Variants in CHRM3 observed in about 807,000 individuals in gnomAD.
The protein encoded by CHRM3 is muscarinic acetylcholine receptor M3.
In CHRM3, 11 loss-of-function variants were observed where a neutral mutation model predicts 41.8. That is an observed-to-expected ratio of 0.26 (90% CI 0.17 to 0.44). The LOEUF is 0.44. Ranked by LOEUF, CHRM3 falls within the 20% of genes least tolerant of loss-of-function variation. The pLI is 1.00. For missense variants in CHRM3, 571 were observed against 745.4 expected (o/e 0.77, Z 2.72); for synonymous variants, 297 against 301.4 (o/e 0.99, Z 0.15).
intron 6 of CHRM3, among the ~76,000 whole-genome samples, chr1:239,875,348 T>G (rs147002141): frequency 6.6e-6 from 1 of 152,344 alleles, no homozygotes; most frequent in Non-Finnish European, 1.5e-5. Context: ...TTGGGACTAT[T>G]CGACTCTGTT....
In CHRM3 at chr1:239,584,362, C is replaced by T. The variant is rs1043772175; in HGVS notation, c.-313+38613C>T. Among the ~76,000 whole-genome samples the T allele has an allele frequency of 3.9e-5, 6 of 152,156 alleles. No individual in the cohort carries two copies. The South Asian group carries it at 8.3e-4, about 21-fold the overall frequency. On this transcript the variant is annotated intron_variant, in intron 3 of 6. Coordinates refer to ENST00000676153, the MANE Select transcript of CHRM3 (RefSeq NM_001375978.1). ...CAAGTGATCTGCCCGCCTCAGCCTC[C>T]CAAAGTGCTGGGATTACAGGTGTGA...
At chr1:239,891,220 G>A (rs1678525182) in intron 6 of CHRM3, among the ~76,000 whole-genome samples, 3 of 152,168 alleles carry the variant, frequency 2.0e-5, no homozygotes, top group Admixed American at 2.0e-4. Flanking sequence ...ACCCCAGGCA[G>A]CCAGAGTTCT....
intron 2 of CHRM3, among the ~76,000 whole-genome samples, chr1:239,503,093 C>T (rs769661738): frequency 1.3e-5 from 2 of 151,968 alleles, no homozygotes; most frequent in Non-Finnish European, 2.9e-5. Flanking sequence ...TAAAGGGCAT[C>T]CAAAATGGTA....
At chr1:239,852,645 C>T (rs1318634898) in intron 6 of CHRM3, among the ~76,000 whole-genome samples, 1 of 152,126 alleles carries the variant, frequency 6.6e-6, no homozygotes, top group Non-Finnish European at 1.5e-5. Flanking sequence ...AAAATGTGCT[C>T]ATACAGTCTT....
At chr1:239,642,838 C>T (rs1020171680) in intron 4 of CHRM3, among the ~76,000 whole-genome samples, 10 of 152,266 alleles carry the variant, frequency 6.6e-5, no homozygotes, top group South Asian at 2.1e-4. Flanking sequence ...GGAGGAGAGG[C>T]GCTCTGTTTT....
intron 6 of CHRM3, among the ~76,000 whole-genome samples, chr1:239,896,433 A>G (rs1679011820): frequency 6.6e-6 from 1 of 152,238 alleles, no homozygotes; most frequent in Non-Finnish European, 1.5e-5. Flanking sequence ...GGCAGTACTC[A>G]AACACATTTA....
At chr1:239,801,506 A>G (rs1670209942) in intron 5 of CHRM3, among the ~76,000 whole-genome samples, 2 of 152,146 alleles carry the variant, frequency 1.3e-5, no homozygotes, top group Admixed American at 6.5e-5. Context: ...CTGGACAGTG[A>G]TTCCTTTATT....
intron 5 of CHRM3, among the ~76,000 whole-genome samples, chr1:239,750,359 C>A (rs2148571367): frequency 6.6e-6 from 1 of 152,312 alleles, no homozygotes; most frequent in African/African-American, 2.4e-5. Flanking sequence ...TCTAGGCTGT[C>A]TCCAGTGATA....
At chr1:239,743,973 AG>A (rs552745226) in intron 5 of CHRM3, among the ~76,000 whole-genome samples, 2 of 138,012 alleles carry the variant, frequency 1.4e-5, no homozygotes, top group South Asian at 4.6e-4. Flanking sequence ...TTTTTTTTTA[AG>A]TTTTTTTTTT....
intron 6 of CHRM3, among the ~76,000 whole-genome samples, chr1:239,866,813 T>C (rs1676150129): frequency 6.6e-6 from 1 of 152,184 alleles, no homozygotes; most frequent in South Asian, 2.1e-4. Context: ...AAGTAGTAAA[T>C]ACCATTTATT....
At chr1:239,797,207 G>A (rs532931710) in intron 5 of CHRM3, among the ~76,000 whole-genome samples, 1 of 152,226 alleles carries the variant, frequency 6.6e-6, no homozygotes, top group East Asian at 1.9e-4. Context: ...CAAAAATTGG[G>A]AGGAAAGGAG....
At chr1:239,683,346 G>A (rs1282797993) in intron 5 of CHRM3, among the ~76,000 whole-genome samples, 1 of 152,114 alleles carries the variant, frequency 6.6e-6, no homozygotes, top group African/African-American at 2.4e-5. Flanking sequence ...AATAAAAATG[G>A]TAATTCATCA....
intron 1 of CHRM3, among the ~76,000 whole-genome samples, chr1:239,423,090 G>A (rs1214912675): frequency 1.3e-5 from 2 of 152,144 alleles, no homozygotes; most frequent in Non-Finnish European, 2.9e-5. Flanking sequence ...TCACAGGGCT[G>A]TAGCCAGGAC....
intron 5 of CHRM3, among the ~76,000 whole-genome samples, chr1:239,734,437 A>G (rs185441476): frequency 2.1e-4 from 32 of 152,240 alleles, no homozygotes; most frequent in Admixed American, 1.2e-3. Flanking sequence ...TGGATTTATA[A>G]TAATAATACA....
chr1:239,789,131 C>A (rs1053541353), intron 5 of CHRM3, among the ~76,000 whole-genome samples: 2 of 152,082 alleles, frequency 1.3e-5, no homozygotes, highest in Non-Finnish European at 2.9e-5. Context: ...CTTCGTTGCA[C>A]CCATTCAGAA....
Position 239,875,325 on chromosome 1 carries a change from C to T in CHRM3, c.-19-32108C>T, listed in dbSNP as rs192802605. Reference sequence around the variant, plus strand: ...GAGCAAATATTTTAGGCTTTGCCATCGCAAGGTCTCTGTTGGGACTATTCG... The same window carrying T: ...GAGCAAATATTTTAGGCTTTGCCATTGCAAGGTCTCTGTTGGGACTATTCG... On this transcript the variant is annotated intron_variant, in intron 6 of 6. Coordinates refer to ENST00000676153, the MANE Select transcript of CHRM3 (RefSeq NM_001375978.1). Among the ~76,000 whole-genome samples the T allele has an allele frequency of 6.6e-5, 10 of 152,284 alleles. No individual in the cohort carries two copies. In the East Asian group the frequency reaches 1.2e-3, roughly 18 times the overall value.
At chr1:239,791,473 G>A (rs1669346804) in intron 5 of CHRM3, among the ~76,000 whole-genome samples, 1 of 152,212 alleles carries the variant, frequency 6.6e-6, no homozygotes, top group Non-Finnish European at 1.5e-5. Flanking sequence ...CTGCTAAGCA[G>A]GGAGACTTGG....
chr1:239,711,680 ACT>A (rs886630650), intron 5 of CHRM3, among the ~76,000 whole-genome samples: 8 of 125,262 alleles, frequency 6.4e-5, no homozygotes, highest in African/African-American at 2.4e-4. Flanking sequence ...CCGCTCTCTC[ACT>A]CTCTCTCTGC....
At chr1:239,484,745 G>C (rs530714809) in intron 1 of CHRM3, among the ~76,000 whole-genome samples, 2 of 152,228 alleles carry the variant, frequency 1.3e-5, no homozygotes, top group African/African-American at 4.8e-5. Flanking sequence ...ACAGGACAGT[G>C]GTGGGCATTG....
Sources: allele counts gnomAD v4.1 joint callset (sites outside exome capture counted in the v4.1 genomes callset), GRCh38; gene constraint gnomAD v4.1.1; transcripts MANE v1.5; gene names NCBI Gene and HGNC (gene_info 2026-07-23, HGNC 2026-07-21).